FAT4: variants seen among roughly 807,000 people sequenced by gnomAD.
The protein encoded by FAT4 is protocadherin Fat 4.
Under a neutral mutation model 303.9 loss-of-function variants are expected in FAT4, and 84 were observed. The ratio of observed to expected loss-of-function variants is 0.28; its 90% CI spans 0.23 to 0.33. The LOEUF (loss-of-function observed/expected upper bound fraction) is 0.33, where lower values mean the gene tolerates loss of function less well. Ranked by LOEUF, FAT4 falls within the 10% of genes least tolerant of loss-of-function variation. The probability of loss-of-function intolerance (pLI) is 1.00; values close to 1 mark genes in which losing one functional copy is unlikely to be tolerated. For missense variants in FAT4, 6,005 were observed against 6,146.8 expected (o/e 0.98, Z 0.77); for synonymous variants, 2,307 against 2,298.8 (o/e 1.00, Z -0.10).
intron 2 of FAT4, among the ~76,000 whole-genome samples, chr4:125,389,488 G>T (rs1331937706): frequency 6.6e-6 from 1 of 152,016 alleles, no homozygotes; most frequent in African/African-American, 2.4e-5. Context: ...TGCACCAAAT[G>T]CATACACTTA....
rs1730676792 is a variant in FAT4 at position 125,317,629 on chromosome 4, C to A, written c.1218C>A (p.His406Gln). 1 of 1,613,908 alleles carries A rather than the reference C, an allele frequency of 6.2e-7. No homozygotes were observed. Among genetic ancestry groups the A allele is most frequent in the East Asian group, 2.2e-5 (1 of 44,884 alleles). ...TTCTCGGGGGCAATGAGCAGCGCCA[C>A]TTTGAAGTGCAAAGCAGCAAAGTGC... is the stretch of plus-strand genomic sequence containing the variant. ...VQILGGNEQRHFEVQSSKVPN... is the reference protein window; with the variant it reads ...VQILGGNEQRQFEVQSSKVPN... Residue 406 changes from histidine to glutamine, a missense_variant, in exon 2 of 18, where the codon CAC becomes CAA. Coordinates refer to ENST00000394329, the MANE Select transcript of FAT4 (RefSeq NM_001291303.3). This position sits in a 1 kb window ranked among gnomAD's most constrained non-coding sequence, Gnocchi z 7.0.
chr4:125,467,084 T>A (rs1578678603), intron 11 of FAT4, among the ~76,000 whole-genome samples: 3 of 151,908 alleles, frequency 2.0e-5, no homozygotes, highest in African/African-American at 4.8e-5. Flanking sequence ...GCCAAAATGA[T>A]GTTTAATTTC....
Position 125,468,855 on chromosome 4 carries a change from A to G in FAT4, c.12213+36A>G, listed in dbSNP as rs35304021. On this transcript the variant is annotated intron_variant, in intron 12 of 17. Coordinates refer to ENST00000394329, the MANE Select transcript of FAT4 (RefSeq NM_001291303.3). ...TCATTTTATTGTTGTTGTATATCCA[A>G]CTGGATCTTCAAATAAAGTATGAAT... 614,981 of 1,563,548 alleles carry G rather than the reference A, an allele frequency of 0.39. 121,770 individuals carry two copies. Among genetic ancestry groups the G allele is most frequent in the Non-Finnish European group, 0.4 (463,114 of 1,147,850 alleles).
Position 125,450,560 on chromosome 4 carries a change from G to A in FAT4, c.9550G>A (p.Val3184Ile), listed in dbSNP as rs760921459. 3.0e-5 allele frequency: 49 copies of A among 1,613,984 alleles called. No homozygotes were observed. Among genetic ancestry groups the A allele is most frequent in the Middle Eastern group, 1.6e-4 (1 of 6,084 alleles). ...AAGAACTGGTTACTGCAGTGTGACC[G>A]TAAATGTGATTGATGTGAATGATAA... ...VARTGYCSVT[V>I]NVIDVNDNSP... The change falls in exon 10 of 18, where the codon GTA (valine) becomes ATA (isoleucine). Residue 3184 changes from valine (V) to isoleucine (I), a missense_variant. Transcript: ENST00000394329.
rs199971037 is a variant in FAT4 at position 125,490,204 on chromosome 4, C to T, written c.13388C>T (p.Thr4463Ile). The T allele has an allele frequency of 1.1e-4, 176 of 1,614,090 alleles. 1 individual carries two copies. In the Middle Eastern group the frequency reaches 1.3e-3, roughly 12 times the overall value. ...TGCCCAGACTCGCACACGGGAAGGA[C>T]CTGTGAGATGGTGGTGGCCTGTCTT... ...CSCPDSHTGRTCEMVVACLGV... is the reference protein window; with the variant it reads ...CSCPDSHTGRICEMVVACLGV... Residue 4463 changes from threonine (T) to isoleucine (I), a missense_variant, in exon 18 of 18, where the codon ACC (threonine) becomes ATC (isoleucine). Coordinates refer to ENST00000394329, the MANE Select transcript of FAT4 (RefSeq NM_001291303.3).
intron 2 of FAT4, among the ~76,000 whole-genome samples, chr4:125,334,055 A>G (rs1379589528): frequency 6.6e-6 from 1 of 152,102 alleles, no homozygotes; most frequent in Non-Finnish European, 1.5e-5. Context: ...GCCCACTCAT[A>G]TAACACACTT....
intron 2 of FAT4, among the ~76,000 whole-genome samples, chr4:125,393,610 G>A (rs1040914150): frequency 2.6e-5 from 4 of 151,978 alleles, no homozygotes; most frequent in Non-Finnish European, 4.4e-5. Flanking sequence ...AAAGAGAAAA[G>A]CATTATATTA....
chr4:125,490,607 A>C lies in FAT4; in HGVS notation c.13791A>C (p.Glu4597Asp). 1.9e-6 allele frequency: 3 copies of C among 1,614,140 alleles called. No individual in the cohort carries two copies. The highest frequency in any genetic ancestry group is 2.5e-6 in the Non-Finnish European group (3 of 1,180,024). Reference sequence around the variant, plus strand: ...AAAACCCCTACCTTATCTATGATGAAACTGATATTCCTCACAACTCAGAAA... The same window carrying C: ...AAAACCCCTACCTTATCTATGATGACACTGATATTCCTCACAACTCAGAAA... ...ERENPYLIYD[E>D]TDIPHNSETI... The change falls in exon 18 of 18, where the codon GAA becomes GAC. Residue 4597 changes from glutamate (E) to aspartate (D), a missense_variant. Physicochemically the swap from Glu to Asp is conservative, Grantham distance 45. Transcript: ENST00000394329.
chr4:125,355,260 C>G (rs1732382101), intron 2 of FAT4, among the ~76,000 whole-genome samples: 1 of 151,832 alleles, frequency 6.6e-6, no homozygotes, highest in South Asian at 2.1e-4. Flanking sequence ...ATTTACATCT[C>G]TAAAGTAAAA....
At chr4:125,371,148 CAAAAAAAA>C in intron 2 of FAT4, among the ~76,000 whole-genome samples, 1 of 97,982 alleles carries the variant, frequency 1.0e-5, no homozygotes, top group African/African-American at 4.0e-5. Flanking sequence ...AACTCCATCT[CAAAAAAAA>C]AAAAAAAAAA....
intron 2 of FAT4, among the ~76,000 whole-genome samples, chr4:125,383,176 G>T (rs2126000333): frequency 6.6e-6 from 1 of 152,280 alleles, no homozygotes; most frequent in Non-Finnish European, 1.5e-5. Flanking sequence ...TGGCACAAGA[G>T]ACCTAGCTTT....
At chr4:125,472,270 T>G (rs538860370) in intron 12 of FAT4, among the ~76,000 whole-genome samples, 1 of 152,282 alleles carries the variant, frequency 6.6e-6, no homozygotes, top group South Asian at 2.1e-4. Flanking sequence ...TGGCAATCTT[T>G]AAAATATATG....
intron 2 of FAT4, among the ~76,000 whole-genome samples, chr4:125,339,020 A>G (rs993831844): frequency 6.6e-6 from 1 of 152,060 alleles, no homozygotes; most frequent in Non-Finnish European, 1.5e-5. Flanking sequence ...CTGTTTGAAT[A>G]CAGGTCCATT....
rs548884095 is a variant in FAT4 at position 125,451,919 on chromosome 4, T to A, written c.10909T>A (p.Ser3637Thr). 6.2e-7 allele frequency: 1 copy of A among 1,614,132 alleles called. No homozygotes were observed. The highest frequency in any genetic ancestry group is 1.3e-5 in the African/African-American group (1 of 75,056). Residue 3637 changes from serine (S) to threonine (T), a missense_variant, in exon 10 of 18, where the codon TCT (serine) becomes ACT (threonine). By Grantham distance (58) the Ser-to-Thr change is moderately conservative (BLOSUM62 1). Coordinates refer to ENST00000394329, the MANE Select transcript of FAT4 (RefSeq NM_001291303.3). The stretch of plus-strand genomic sequence containing the variant: ...CTTGTTTCCCGGTGGGATTTTAGGC[T>A]CTGTGAAGCCACAGGATCCAGATGT... Reference protein sequence around the residue: ...GNLFPGGILGSVKPQDPDVLD... With the variant: ...GNLFPGGILGTVKPQDPDVLD...
chr4:125,366,472 A>G (rs963730185), intron 2 of FAT4, among the ~76,000 whole-genome samples: 1 of 151,974 alleles, frequency 6.6e-6, no homozygotes, highest in African/African-American at 2.4e-5. Flanking sequence ...GTGTGTATGT[A>G]CTATATATAT....
chr4:125,361,778 T>C (rs1186758003), intron 2 of FAT4, among the ~76,000 whole-genome samples: 1 of 152,142 alleles, frequency 6.6e-6, no homozygotes, highest in East Asian at 1.9e-4. Context: ...GCAACCGTTC[T>C]GACCCGCTTG....
At chr4:125,444,604 A>G (rs1196095278) in intron 8 of FAT4, among the ~76,000 whole-genome samples, 2 of 152,280 alleles carry the variant, frequency 1.3e-5, no homozygotes, top group East Asian at 1.9e-4. Context: ...TTTGCCTATC[A>G]ACACATTACG....
In FAT4 at chr4:125,403,264, C is replaced by G. The variant is rs1734458902; in HGVS notation, c.5308-3616C>G. Among the ~76,000 whole-genome samples the G allele has an allele frequency of 2.0e-5, 3 of 152,092 alleles. No homozygotes were observed. In the South Asian group the frequency reaches 6.2e-4, roughly 32 times the overall value. ...CAGTGTACAGATGAGGAAACATGGG[C>G]TTGGAGAGGTTAAGTATGTGGTCCA... On this transcript the variant is annotated intron_variant, in intron 3 of 17. Transcript: ENST00000394329.
chr4:125,336,967 A>G (rs945034927), intron 2 of FAT4, among the ~76,000 whole-genome samples: 3 of 152,010 alleles, frequency 2.0e-5, no homozygotes, highest in Non-Finnish European at 4.4e-5. Flanking sequence ...AAGGTAAGTA[A>G]TGGTATTTCC....
Sources: allele counts gnomAD v4.1 joint callset (sites outside exome capture counted in the v4.1 genomes callset), GRCh38; gene constraint gnomAD v4.1.1; non-coding constraint Gnocchi (gnomAD v3.1); transcripts MANE v1.5; gene names NCBI Gene and HGNC (gene_info 2026-07-23, HGNC 2026-07-21).